The following IAH1 variants were observed in gnomAD, a reference collection of about 807,000 sequenced individuals.
The protein encoded by IAH1 is isoamyl acetate hydrolyzing esterase 1 (putative).
Under a neutral mutation model 26.7 loss-of-function variants are expected in IAH1, and 24 were observed. The observed-to-expected ratio is 0.90, with a 90% confidence interval of 0.65 to 1.26. The LOEUF (loss-of-function observed/expected upper bound fraction) is 1.26, where lower values mean the gene tolerates loss of function less well. Ranked by LOEUF, IAH1 falls within the 50% of genes most tolerant of loss-of-function variation. The pLI, the probability that IAH1 is intolerant of heterozygous loss-of-function variation, is 0.00. For synonymous variants in IAH1, 140 were observed against 118.5 expected (o/e 1.18, Z -1.18); for missense variants, 300 against 299.9 (o/e 1.00, Z 0.00).
Position 9,474,654 on chromosome 2 carries a change from C to A in IAH1, c.81+7C>A. 1 of 1,541,188 alleles carries A rather than the reference C, an allele frequency of 6.5e-7. No homozygotes were observed. Among genetic ancestry groups the A allele is most frequent in the Middle Eastern group, 1.8e-4 (1 of 5,668 alleles). ...CGGGGACTCCATCACCCAGGTACGG[C>A]CGCCCCGACGCTCGGCCTCCCGCCC... On this transcript the variant is annotated splice_region_variant and intron_variant, in intron 1 of 5. Transcript: ENST00000497473. The surrounding 1 kb of genome is among the most constrained non-coding windows in gnomAD (Gnocchi z 4.3).
At chr2:9,473,855 C>T (rs1682306698), upstream of IAH1, 1 of 152,238 alleles carries the variant, frequency 6.6e-6, no homozygotes, top group Admixed American at 6.5e-5. Context: ...TCCTTCCCAC[C>T]CGTTCGTTTT....
the IAH1 span, among the ~76,000 whole-genome samples, chr2:9,502,968 G>A: frequency 4.1e-5 from 6 of 147,994 alleles, no homozygotes; most frequent in South Asian, 2.1e-4. Flanking sequence ...GTGAAACTCC[G>A]TCTCTACTAA....
the IAH1 span, among the ~76,000 whole-genome samples, chr2:9,502,816 T>C: frequency 1.4e-5 from 2 of 140,650 alleles, no homozygotes; most frequent in South Asian, 2.3e-4. Context: ...GAGACAGAGG[T>C]TGCAGTGAGC....
chr2:9,491,626 T>C (rs543548998), downstream of IAH1, among the ~76,000 whole-genome samples: 2 of 152,208 alleles, frequency 1.3e-5, no homozygotes, highest in African/African-American at 2.4e-5. Context: ...CTGTGGACCA[T>C]GCTCTGCTGG....
intron 1 of IAH1, among the ~76,000 whole-genome samples, chr2:9,475,473 T>C (rs1364267044): frequency 1.3e-5 from 2 of 152,082 alleles, no homozygotes; most frequent in African/African-American, 2.4e-5. Flanking sequence ...TTCCTGAACT[T>C]AGATTTCTGT....
downstream of IAH1, chr2:9,491,205 G>A (rs907060873): frequency 6.6e-7 from 1 of 1,525,136 alleles, no homozygotes; most frequent in African/African-American, 1.4e-5. Flanking sequence ...CAGTTAGTGA[G>A]TACTATTTCA....
chr2:9,491,384 A>C (rs1490581882), downstream of IAH1, among the ~76,000 whole-genome samples: 1 of 152,234 alleles, frequency 6.6e-6, no homozygotes, highest in African/African-American at 2.4e-5. Flanking sequence ...TTAAGTACAG[A>C]AAGAGGCAAG....
chr2:9,491,037 G>T, downstream of IAH1: 4 of 1,454,058 alleles, frequency 2.8e-6, no homozygotes, highest in South Asian at 1.2e-5. Context: ...GTCAGGTGAA[G>T]GTCTTTGCCT....
intron 3 of IAH1, among the ~76,000 whole-genome samples, chr2:9,479,141 C>T (rs1405191547): frequency 1.3e-5 from 2 of 152,072 alleles, no homozygotes; most frequent in African/African-American, 2.4e-5. Flanking sequence ...TGACAGGTAT[C>T]GGTGGAGACT....
intron 6 of IAH1, among the ~76,000 whole-genome samples, chr2:9,495,711 C>CAA (rs367778507): frequency 0.52 from 72,483 of 140,026 alleles, 19,213 homozygotes; most frequent in Middle Eastern, 0.68. Flanking sequence ...GACTCCATCT[C>CAA]AAAAAAAAAA....
At chr2:9,479,071 T>C (rs1660995610) in intron 3 of IAH1, among the ~76,000 whole-genome samples, 1 of 152,064 alleles carries the variant, frequency 6.6e-6, no homozygotes, top group African/African-American at 2.4e-5. Flanking sequence ...AGGCTGGACA[T>C]GAAGGAACAC....
the IAH1 span, among the ~76,000 whole-genome samples, chr2:9,508,165 C>T: frequency 2.0e-5 from 3 of 152,190 alleles, no homozygotes; most frequent in African/African-American, 7.2e-5. Flanking sequence ...TGACCTATTA[C>T]TTAGAGAAAC....
the IAH1 span, among the ~76,000 whole-genome samples, chr2:9,507,723 C>A: frequency 6.8e-6 from 1 of 146,542 alleles, no homozygotes; most frequent in Non-Finnish European, 1.5e-5. Context: ...TCTTTTTTTT[C>A]TTTTTCCTTT....
chr2:9,487,843 C>T (rs550987718), intron 5 of IAH1, among the ~76,000 whole-genome samples: 12,387 of 135,692 alleles, frequency 0.091, 608 homozygotes, highest in African/African-American at 0.14. Flanking sequence ...TGCGCGCGCG[C>T]GCGCGCGCTG....
chr2:9,487,827 TGTGTGTGC>T (rs1407507955), intron 5 of IAH1, among the ~76,000 whole-genome samples: 3,999 of 97,166 alleles, frequency 0.041, 126 homozygotes, highest in African/African-American at 0.11. Context: ...TGTGTGTGTG[TGTGTGTGC>T]GCGCGCGCGC....
chr2:9,489,112 T>G lies in IAH1; in HGVS notation c.*783T>G, dbSNP rs969667977. On this transcript the variant is annotated 3_prime_UTR_variant, in exon 6 of 6. Transcript: ENST00000497473. ...CCCCCAACCCTAAGGGCAGGTAGTA[T>G]TCTATCTCCTGGCTGGCTCATCACA... 5.3e-5 allele frequency: 8 copies of G among 152,250 alleles called. No individual in the cohort carries two copies. The highest frequency in any genetic ancestry group is 2.6e-4 in the Admixed American group (4 of 15,292). The allele number at this position is 152,250 out of a possible 1,614,324, so 9.4% of individuals were successfully genotyped here. A position where few individuals can be genotyped will look rare whatever the true frequency, so the allele number is the denominator to read the frequency against.
In IAH1 at chr2:9,478,333, T is replaced by G; in HGVS notation, c.246T>G (p.Val82=). The G allele has an allele frequency of 3.1e-6, 5 of 1,611,442 alleles. No individual in the cohort carries two copies. Among genetic ancestry groups the G allele is most frequent in the Non-Finnish European group, 4.2e-6 (5 of 1,178,606 alleles). Residue 82 remains valine (V), a synonymous_variant, in exon 3 of 6, where the codon GTT becomes GTG. Transcript: ENST00000497473. Reference sequence around the variant, plus strand: ...ACAGTTTGGACATCCCAGTAGCAGTTACAATTTTCTTTGGGGCCAATGACA... The same window carrying G: ...ACAGTTTGGACATCCCAGTAGCAGTGACAATTTTCTTTGGGGCCAATGACA... ...KGNSLDIPVA[V]TIFFGANDSA... is the part of the protein sequence containing the mutation.
At chr2:9,475,626 G>T in intron 1 of IAH1, 1 of 277,130 alleles carries the variant, frequency 3.6e-6, no homozygotes, top group South Asian at 3.9e-5. Context: ...TCAGCCTCCC[G>T]AGTAGCTGGG....
At chr2:9,479,812 T>C (rs1661057632) in intron 3 of IAH1, among the ~76,000 whole-genome samples, 1 of 134,322 alleles carries the variant, frequency 7.4e-6, no homozygotes, top group Non-Finnish European at 1.6e-5. Context: ...TTTTTTTTTT[T>C]TTTTTTTTTT....
Sources: gnomAD v4.1 joint callset for allele counts (sites outside exome capture counted in the v4.1 genomes callset) on GRCh38, gnomAD v4.1.1 for gene constraint, Gnocchi (gnomAD v3.1) non-coding constraint, MANE v1.5 for transcripts, NCBI Gene and HGNC (gene_info 2026-07-23, HGNC 2026-07-21) for gene names.